Variants in NPAS3 observed in about 807,000 individuals in gnomAD.
The protein encoded by NPAS3 is neuronal PAS domain-containing protein 3.
Under a neutral mutation model 73.1 loss-of-function variants are expected in NPAS3, and 14 were observed. That is an observed-to-expected ratio of 0.19 (90% CI 0.13 to 0.30). NPAS3 has a LOEUF of 0.30. Among genes scored for constraint, NPAS3 ranks in the 10% least tolerant of loss-of-function variants. The pLI is 1.00. For synonymous variants in NPAS3, 620 were observed against 541.5 expected (o/e 1.14, Z -2.01); for missense variants, 1,096 against 1,250.0 (o/e 0.88, Z 1.86).
At chr14:33,585,677 C>A (rs1448981466) in intron 5 of NPAS3, among the ~76,000 whole-genome samples, 1 of 152,160 alleles carries the variant, frequency 6.6e-6, no homozygotes, top group Non-Finnish European at 1.5e-5. Flanking sequence ...GCAATGCCAA[C>A]CTATTATCAG....
intron 6 of NPAS3, among the ~76,000 whole-genome samples, chr14:33,732,667 G>T (rs1005756098): frequency 6.6e-6 from 1 of 152,164 alleles, no homozygotes; most frequent in Non-Finnish European, 1.5e-5. Flanking sequence ...TTGAAATAAA[G>T]CTTGAAGACT....
chr14:33,006,103 T>C (rs559911400), intron 1 of NPAS3, among the ~76,000 whole-genome samples: 1 of 152,320 alleles, frequency 6.6e-6, no homozygotes, highest in Non-Finnish European at 1.5e-5. Context: ...CTCTGGAGCC[T>C]ACTTGTCTCT....
At chr14:33,598,889 T>C (rs976071119) in intron 5 of NPAS3, among the ~76,000 whole-genome samples, 8 of 152,218 alleles carry the variant, frequency 5.3e-5, no homozygotes, top group African/African-American at 1.9e-4. Context: ...TTAAATATTT[T>C]CCTCCTGGCA....
At chr14:33,146,226 A>G (rs1448971321) in intron 2 of NPAS3, among the ~76,000 whole-genome samples, 1 of 152,214 alleles carries the variant, frequency 6.6e-6, no homozygotes, top group Non-Finnish European at 1.5e-5. Context: ...TTGCACAGAT[A>G]CCACAATTTG....
intron 6 of NPAS3, among the ~76,000 whole-genome samples, chr14:33,690,180 G>A (rs1019212941): frequency 1.2e-4 from 19 of 152,184 alleles, no homozygotes; most frequent in Admixed American, 5.2e-4. Context: ...GCGGCGTTCC[G>A]GTCTGTGCTG....
At chr14:33,794,100 A>T in intron 10 of NPAS3, 56 bp downstream of exon 10, 1 of 1,482,468 alleles carries the variant, frequency 6.7e-7, no homozygotes, top group Non-Finnish European at 9.3e-7. Flanking sequence ...TGCCATATAA[A>T]ATATGGCTAT....
chr14:32,959,492 A>T (rs1165943920), intron 1 of NPAS3, among the ~76,000 whole-genome samples: 1 of 152,248 alleles, frequency 6.6e-6, no homozygotes, highest in East Asian at 1.9e-4. Context: ...CTATGTTTAC[A>T]TTTACGTGAG....
At chr14:33,214,307 G>A (rs951209380) in intron 2 of NPAS3, 1 of 152,146 alleles carries the variant, frequency 6.6e-6, no homozygotes, top group African/African-American at 2.4e-5. Flanking sequence ...AGCAATGTGA[G>A]CAAACTTCAA....
intron 3 of NPAS3, among the ~76,000 whole-genome samples, chr14:33,322,644 A>G (rs972773136): frequency 6.6e-6 from 1 of 152,044 alleles, no homozygotes; most frequent in African/African-American, 2.4e-5. Flanking sequence ...CTGTTTTTAT[A>G]GTCCTGAGCT....
chr14:33,315,148 A>G (rs1455261455), intron 3 of NPAS3, among the ~76,000 whole-genome samples: 1 of 152,096 alleles, frequency 6.6e-6, no homozygotes, highest in Non-Finnish European at 1.5e-5. Flanking sequence ...ATTGTCAGAT[A>G]GGTAAGGAAA....
intron 1 of NPAS3, among the ~76,000 whole-genome samples, chr14:32,975,896 T>TGTGAGAGA (rs374916231): frequency 1.8e-4 from 26 of 142,306 alleles, no homozygotes; most frequent in Non-Finnish European, 2.9e-4. Context: ...TGTGTGTGTG[T>TGTGAGAGA]GAGAGAGAGA....
chr14:33,501,471 AT>A (rs1365803547), intron 4 of NPAS3, among the ~76,000 whole-genome samples: 1 of 151,868 alleles, frequency 6.6e-6, no homozygotes, highest in Non-Finnish European at 1.5e-5. Context: ...ATTCTACTAA[AT>A]ATTGGCCACT....
chr14:33,303,748 A>G (rs2042645035), intron 3 of NPAS3, among the ~76,000 whole-genome samples: 1 of 151,952 alleles, frequency 6.6e-6, no homozygotes, highest in South Asian at 2.1e-4. Context: ...ATCTTATTGT[A>G]TATCATGATA....
intron 8 of NPAS3, among the ~76,000 whole-genome samples, chr14:33,775,787 A>G (rs913207108): frequency 2.6e-5 from 4 of 152,230 alleles, no homozygotes; most frequent in African/African-American, 9.7e-5. Context: ...ACAGAACACC[A>G]GGAAACATGC....
chr14:33,239,089 T>G (rs1354316599), intron 3 of NPAS3, among the ~76,000 whole-genome samples: 2 of 151,944 alleles, frequency 1.3e-5, no homozygotes, highest in Non-Finnish European at 2.9e-5. Context: ...ATTTTTTCAA[T>G]GGCACATATT....
At chr14:33,574,975 A>AG (rs11424906) in intron 5 of NPAS3, among the ~76,000 whole-genome samples, 78,751 of 151,828 alleles carry the variant, frequency 0.52, 20,743 homozygotes, top group South Asian at 0.69. Context: ...CAGTGGTGCA[A>AG]GGGACAAGGA....
intron 3 of NPAS3, among the ~76,000 whole-genome samples, chr14:33,318,081 G>A (rs185804668): frequency 7.6e-4 from 115 of 152,072 alleles, no homozygotes; most frequent in Admixed American, 1.3e-3. Context: ...GCCAAATGGT[G>A]ACAACAACCC....
At chr14:33,623,341 C>T (rs867305677) in intron 5 of NPAS3, among the ~76,000 whole-genome samples, 10 of 152,286 alleles carry the variant, frequency 6.6e-5, no homozygotes, top group Middle Eastern at 3.4e-3. Flanking sequence ...ACCCTATTTC[C>T]CCTGCAGTCA....
chr14:33,436,681 TG>T (rs2049003395), intron 4 of NPAS3, among the ~76,000 whole-genome samples: 1 of 152,234 alleles, frequency 6.6e-6, no homozygotes, highest in African/African-American at 2.4e-5. Flanking sequence ...CAAGCATTGC[TG>T]TGTATTTTCA....
Sources: gnomAD v4.1 joint callset for allele counts (sites outside exome capture counted in the v4.1 genomes callset) on GRCh38, gnomAD v4.1.1 for gene constraint, MANE v1.5 for transcripts, NCBI Gene and HGNC (gene_info 2026-07-23, HGNC 2026-07-21) for gene names.